Variants in VAV3 observed in about 807,000 individuals in gnomAD.
VAV3 encodes the protein guanine nucleotide exchange factor VAV3.
A neutral mutation model predicts 131.2 loss-of-function variants in VAV3; 94 were observed. That is an observed-to-expected ratio of 0.72 (90% CI 0.61 to 0.85). VAV3 has a LOEUF of 0.85. Among genes scored for constraint, VAV3 ranks in the 40% least tolerant of loss-of-function variants. VAV3 has a pLI of 0.00. For synonymous variants in VAV3, 349 were observed against 342.0 expected (o/e 1.02, Z -0.22); for missense variants, 939 against 1,002.7 (o/e 0.94, Z 0.86).
At chr1:107,786,948 C>T (rs1188512552) in intron 2 of VAV3, among the ~76,000 whole-genome samples, 1 of 152,098 alleles carries the variant, frequency 6.6e-6, no homozygotes, top group Non-Finnish European at 1.5e-5. Context: ...AAAGCTATCA[C>T]TCATTTACTC....
At chr1:107,759,722 T>C (rs1050252930) in intron 10 of VAV3, among the ~76,000 whole-genome samples, 2 of 152,168 alleles carry the variant, frequency 1.3e-5, no homozygotes, top group African/African-American at 2.4e-5. Flanking sequence ...AGTTGTATTT[T>C]ATACTTTTAT....
chr1:107,861,842 C>G (rs1669754506), intron 2 of VAV3, among the ~76,000 whole-genome samples: 1 of 151,636 alleles, frequency 6.6e-6, no homozygotes, highest in Admixed American at 6.6e-5. Context: ...ATGAGAGTAG[C>G]AAGGTAAAGC....
intron 1 of VAV3, among the ~76,000 whole-genome samples, chr1:107,934,420 G>A (rs959100154): frequency 6.6e-6 from 1 of 152,158 alleles, no homozygotes; most frequent in African/African-American, 2.4e-5. Context: ...TGTGAAAACA[G>A]AAACAGAACA....
intron 2 of VAV3, among the ~76,000 whole-genome samples, chr1:107,808,633 C>A (rs1448525478): frequency 6.6e-6 from 1 of 152,006 alleles, no homozygotes; most frequent in Non-Finnish European, 1.5e-5. Context: ...TTCCAAAACA[C>A]TAAAATGTAA....
At chr1:107,723,179 T>C (rs1437232018) in intron 15 of VAV3, among the ~76,000 whole-genome samples, 1 of 152,160 alleles carries the variant, frequency 6.6e-6, no homozygotes, top group Non-Finnish European at 1.5e-5. Context: ...AAAACTGCTG[T>C]AGAACAAATT....
At chr1:107,791,732 T>C (rs1666296903) in intron 2 of VAV3, among the ~76,000 whole-genome samples, 1 of 152,202 alleles carries the variant, frequency 6.6e-6, no homozygotes, top group Non-Finnish European at 1.5e-5. Flanking sequence ...GAATAGCTTT[T>C]TGAAACCCTG....
intron 1 of VAV3, among the ~76,000 whole-genome samples, chr1:107,909,484 A>C (rs895311546): frequency 6.6e-5 from 10 of 152,198 alleles, no homozygotes; most frequent in African/African-American, 2.4e-4. Context: ...CGAGCTTTAT[A>C]TTTCCATTAT....
At chr1:107,852,514 A>G (rs1160945790) in intron 2 of VAV3, among the ~76,000 whole-genome samples, 1 of 152,220 alleles carries the variant, frequency 6.6e-6, no homozygotes, top group African/African-American at 2.4e-5. Context: ...CATGGTTTAC[A>G]TACTGTTTTA....
chr1:107,573,935 G>T (rs1395862495), intron 26 of VAV3, 112 bp downstream of exon 26: 1 of 1,386,360 alleles, frequency 7.2e-7, no homozygotes, highest in Non-Finnish European at 9.6e-7. Context: ...AGGCCTGTGG[G>T]CTGAAAGCTG....
In VAV3 at chr1:107,634,807, G is replaced by T. The variant is rs1385549593; in HGVS notation, c.1914+7812C>A. On this transcript the variant is annotated intron_variant, in intron 20 of 26. Coordinates refer to ENST00000370056, the MANE Select transcript of VAV3 (RefSeq NM_006113.5). ...AACAAACAACCCCATGAAAAAGTGG[G>T]CAAAGGATATGAACAGACACTTCTC... is the stretch of plus-strand genomic sequence containing the variant. Among the ~76,000 whole-genome samples, 5 of 152,020 alleles carry T rather than the reference G, an allele frequency of 3.3e-5. No homozygotes were observed. In the East Asian group the frequency reaches 7.7e-4, roughly 24 times the overall value.
At chr1:107,633,449 C>A (rs1013220052) in intron 20 of VAV3, among the ~76,000 whole-genome samples, 1 of 152,128 alleles carries the variant, frequency 6.6e-6, no homozygotes, top group Admixed American at 6.6e-5. Context: ...CTGTCTCTTT[C>A]TTTGTTGTGA....
chr1:107,684,176 CACAAA>C (rs1456191541), intron 18 of VAV3, among the ~76,000 whole-genome samples: 16 of 152,258 alleles, frequency 1.1e-4, no homozygotes, highest in East Asian at 1.9e-4. Flanking sequence ...ACAGATGAAA[CACAAA>C]ACAAGAGATT....
intron 1 of VAV3, among the ~76,000 whole-genome samples, chr1:107,889,663 G>A (rs1671222176): frequency 6.6e-6 from 1 of 152,192 alleles, no homozygotes; most frequent in Non-Finnish European, 1.5e-5. Context: ...CCTTACAAGA[G>A]TAGAGTGGCA....
intron 17 of VAV3, among the ~76,000 whole-genome samples, chr1:107,695,442 C>T (rs1659685801): frequency 1.3e-5 from 2 of 152,040 alleles, no homozygotes; most frequent in African/African-American, 4.8e-5. Context: ...CTAAGAAGAA[C>T]AGGAAAGTGA....
At chr1:107,882,231 C>T (rs72689620) in intron 1 of VAV3, among the ~76,000 whole-genome samples, 3 of 152,068 alleles carry the variant, frequency 2.0e-5, no homozygotes, top group African/African-American at 7.2e-5. Context: ...GATTTTCTAA[C>T]TTATATTTGA....
intron 17 of VAV3, among the ~76,000 whole-genome samples, chr1:107,692,863 T>G (rs1272679487): frequency 6.6e-6 from 1 of 152,180 alleles, no homozygotes; most frequent in Non-Finnish European, 1.5e-5. Flanking sequence ...TATACCAAAG[T>G]CGTTTGCTCC....
chr1:107,869,408 A>G (rs1442230816), intron 2 of VAV3, among the ~76,000 whole-genome samples: 3 of 152,202 alleles, frequency 2.0e-5, no homozygotes, highest in Non-Finnish European at 2.9e-5. Flanking sequence ...GAATCCCACA[A>G]TCATTAAAAA....
rs1302868857 is a variant in VAV3 at position 107,964,982 on chromosome 1, T to G, written c.-113A>C. 3 of 932,958 alleles carry G rather than the reference T, an allele frequency of 3.2e-6. No homozygotes were observed. Among genetic ancestry groups the G allele is most frequent in the Admixed American group, 5.0e-5 (1 of 20,198 alleles). 57.8% of individuals were successfully genotyped at this position (932,958 alleles called of 1,614,324 possible). On this transcript the variant is annotated 5_prime_UTR_variant, in exon 1 of 27. Transcript: ENST00000370056. ...CCGACGCCAACAGCCGCCGGCCCTT[T>G]CCCCGCGCGGGATCGAGGGAGCAGG...
intron 2 of VAV3, among the ~76,000 whole-genome samples, chr1:107,806,347 C>T (rs895026586): frequency 6.6e-6 from 1 of 151,962 alleles, no homozygotes; most frequent in African/African-American, 2.4e-5. Context: ...TATAGTCTAC[C>T]ATCTGCTTGG....
Sources: gnomAD v4.1 joint callset for allele counts (sites outside exome capture counted in the v4.1 genomes callset) on GRCh38, gnomAD v4.1.1 for gene constraint, MANE v1.5 for transcripts, NCBI Gene and HGNC (gene_info 2026-07-23, HGNC 2026-07-21) for gene names.